Variants in ZNF346 observed in about 807,000 individuals in gnomAD.
ZNF346 encodes zinc finger protein 346, also known as double-stranded RNA-binding zinc finger protein JAZ.
In ZNF346, 23 loss-of-function variants were observed where a neutral mutation model predicts 33.7. That is an observed-to-expected ratio of 0.68 (90% CI 0.49 to 0.97). ZNF346 has a LOEUF of 0.97. ZNF346 is among the 50% of genes least tolerant of loss of function. The pLI is 0.00. For missense variants in ZNF346, 340 were observed against 371.1 expected, an observed-to-expected ratio of 0.92 and a Z score of 0.69; for synonymous variants, 134 against 142.4, an observed-to-expected ratio of 0.94 and a Z score of 0.42.
rs74698899 is a variant in ZNF346, at chr5:177,073,921, A to T, written c.*3-5461A>T. On this transcript the variant is annotated intron_variant, in intron 8 of 8. Transcript: ENST00000503039. ...TCAGTAACATGACTGTACGACTTCC[A>T]AGGTTAGGACTTAAGTGCTCATGCA... is the stretch of plus-strand genomic sequence containing the variant. Among the ~76,000 whole-genome samples, 247 of 152,214 alleles carry T rather than the reference A, an allele frequency of 1.6e-3. 1 individual carries two copies. In the East Asian group the frequency reaches 0.02, roughly 12 times the overall value.
intron 4 of ZNF346, among the ~76,000 whole-genome samples, chr5:177,049,378 G>A (rs74735054): frequency 0.011 from 1,742 of 152,296 alleles, 19 homozygotes; most frequent in African/African-American, 0.033. Flanking sequence ...CACCACTGGT[G>A]GGGGCTTCTG....
chr5:177,069,452 CAA>C (rs71299775), downstream of ZNF346, among the ~76,000 whole-genome samples: 1 of 143,218 alleles, frequency 7.0e-6, no homozygotes, highest in Admixed American at 7.1e-5. Flanking sequence ...GACTCTGTCT[CAA>C]AAAAAAAAAA....
At chr5:177,028,521 T>TATATATATATATATATATATATA (rs56006820) in intron 1 of ZNF346, among the ~76,000 whole-genome samples, 274 of 135,584 alleles carry the variant, frequency 2.0e-3, no homozygotes, top group Non-Finnish European at 2.3e-3. Flanking sequence ...TATATATATA[T>TATATATATATATATATATATATA]TTCCCTCCAT....
downstream of ZNF346, among the ~76,000 whole-genome samples, chr5:177,072,489 T>A (rs968139282): frequency 1.6e-4 from 25 of 151,970 alleles, no homozygotes; most frequent in African/African-American, 5.8e-4. Context: ...CCCGACTGAG[T>A]AATCACAGTC....
chr5:177,025,909 T>C (rs1776694055), intron 1 of ZNF346, among the ~76,000 whole-genome samples: 1 of 152,150 alleles, frequency 6.6e-6, no homozygotes, highest in African/African-American at 2.4e-5. Context: ...TCCTATGTAT[T>C]GTGCTTTAGT....
At chr5:177,058,041 A>G (rs956796128) in intron 5 of ZNF346, among the ~76,000 whole-genome samples, 2 of 150,724 alleles carry the variant, frequency 1.3e-5, no homozygotes, top group African/African-American at 4.9e-5. Context: ...TGCTGGTCTC[A>G]GACTCCTGAC....
rs1781204319 is a variant in ZNF346, at chr5:177,053,275, C to T, written c.703+2339C>T. 2.1e-5 allele frequency among the ~76,000 whole-genome samples: 3 copies of T among 140,692 alleles called. No individual in the cohort carries two copies. The Admixed American group carries it at 2.3e-4, about 11-fold the overall frequency. 92.3% of individuals were successfully genotyped at this position (140,692 alleles called of 152,430 possible). On this transcript the variant is annotated intron_variant, in intron 5 of 6. Coordinates refer to ENST00000358149, the MANE Select transcript of ZNF346 (RefSeq NM_012279.4). Reference sequence around the variant, plus strand: ...AGGTTGCAGTGATCCAAGATCGCGCCACTGCACTCCAGCCTGGCAAAAGAG... The same window carrying T: ...AGGTTGCAGTGATCCAAGATCGCGCTACTGCACTCCAGCCTGGCAAAAGAG...
chr5:177,052,728 C>T (rs1781128712), intron 5 of ZNF346: 1 of 152,160 alleles, frequency 6.6e-6, no homozygotes, highest in African/African-American at 2.4e-5. Context: ...GATACTGGTA[C>T]TAAGAAAAAC....
chr5:177,043,914 A>G (rs944510508), intron 3 of ZNF346, among the ~76,000 whole-genome samples: 3 of 152,162 alleles, frequency 2.0e-5, no homozygotes, highest in Admixed American at 1.3e-4. Flanking sequence ...AAAGTCTCCT[A>G]AGCTATGACA....
At chr5:177,031,097 G>A (rs1353352568) in intron 1 of ZNF346, among the ~76,000 whole-genome samples, 2 of 151,826 alleles carry the variant, frequency 1.3e-5, no homozygotes, top group East Asian at 1.9e-4. Context: ...GTGCAGTGGC[G>A]CGATCTCGGC....
chr5:177,073,560 T>A (rs1334697874), intron 8 of ZNF346, among the ~76,000 whole-genome samples: 1 of 152,180 alleles, frequency 6.6e-6, no homozygotes, highest in African/African-American at 2.4e-5. Context: ...CACCTCGGCC[T>A]ACCAGAGTGC....
Position 177,022,778 on chromosome 5 carries a change from G to T in ZNF346, c.40G>T (p.Gly14Cys). 1 of 1,552,824 alleles carries T rather than the reference G, an allele frequency of 6.4e-7. No individual in the cohort carries two copies. Among genetic ancestry groups the T allele is most frequent in the South Asian group, 1.2e-5 (1 of 84,438 alleles). The change falls in exon 1 of 7, where the codon GGC (glycine) becomes TGC (cysteine). Residue 14 changes from glycine to cysteine, a missense_variant. Gly to Cys is a radical substitution (Grantham distance 159). Transcript: ENST00000358149. The part of the protein sequence containing the change: ...PAPATVQAAD[G>C]GAAGPYSSSE... ...GCCGGCCACGGTGCAGGCCGCGGACGGCGGAGCGGCCGGGCCTTACAGCAG... is the reference window on the plus strand; with the variant it reads ...GCCGGCCACGGTGCAGGCCGCGGACTGCGGAGCGGCCGGGCCTTACAGCAG...
chr5:177,033,179 G>A (rs771115948), intron 1 of ZNF346, among the ~76,000 whole-genome samples: 1 of 152,164 alleles, frequency 6.6e-6, no homozygotes, highest in Non-Finnish European at 1.5e-5. Context: ...AGACTCAAGT[G>A]ATTTCCCCCA....
chr5:177,057,386 G>A (rs550668524), intron 5 of ZNF346, among the ~76,000 whole-genome samples: 101 of 151,906 alleles, frequency 6.6e-4, no homozygotes, highest in African/African-American at 2.3e-3. Flanking sequence ...AAACTAAGTT[G>A]TATATTATCA....
Position 177,065,888 on chromosome 5 carries a change from G to GTA in ZNF346, c.*1291_*1292dup, listed in dbSNP as rs1783123845. 1.3e-5 allele frequency: 2 copies of GTA among 149,574 alleles called. No individual in the cohort carries two copies. Among genetic ancestry groups the GTA allele is most frequent in the Non-Finnish European group, 3.0e-5 (2 of 67,728 alleles). 9.3% of individuals were successfully genotyped at this position (149,574 alleles called of 1,614,324 possible). A position where few individuals can be genotyped will look rare whatever the true frequency, so the allele number is the denominator to read the frequency against. ...TGTGTGTGTGTGTGTGTGTTTGTGT[G>GTA]TATGTGTGTGCTTCTGTGTGTGCCT... On this transcript the variant is annotated 3_prime_UTR_variant, in exon 7 of 7. Coordinates refer to ENST00000358149, the MANE Select transcript of ZNF346 (RefSeq NM_012279.4).
At chr5:177,075,294 T>C (rs1426420755) in intron 8 of ZNF346, among the ~76,000 whole-genome samples, 1 of 151,536 alleles carries the variant, frequency 6.6e-6, no homozygotes, top group Non-Finnish European at 1.5e-5. Context: ...TCCCAGCTAC[T>C]CATGAGGCTG....
At chr5:177,069,231 C>T (rs986241300), downstream of ZNF346, among the ~76,000 whole-genome samples, 5 of 119,206 alleles carry the variant, frequency 4.2e-5, 2 homozygotes, top group African/African-American at 2.3e-4. Context: ...CCGAGGCGGG[C>T]GCATCACTTG....
intron 6 of ZNF346, among the ~76,000 whole-genome samples, chr5:177,063,134 A>G (rs11952700): frequency 0.092 from 14,007 of 151,780 alleles, 1,294 homozygotes; most frequent in African/African-American, 0.24. Context: ...TCCTGAGCTC[A>G]AGTGATCCAT....
chr5:177,054,621 G>A (rs1405516850), intron 5 of ZNF346, among the ~76,000 whole-genome samples: 1 of 149,914 alleles, frequency 6.7e-6, no homozygotes, highest in Non-Finnish European at 1.5e-5. Flanking sequence ...GGCTGGTCTT[G>A]AACTCCTGAC....
Sources: gnomAD v4.1 joint callset for allele counts (sites outside exome capture counted in the v4.1 genomes callset) on GRCh38, gnomAD v4.1.1 for gene constraint, MANE v1.5 for transcripts, NCBI Gene and HGNC (gene_info 2026-07-23, HGNC 2026-07-21) for gene names.